The following PHKA2 variants were observed in gnomAD, a reference collection of about 807,000 sequenced individuals.
PHKA2 encodes the protein phosphorylase b kinase regulatory subunit alpha, liver isoform.
A neutral mutation model predicts 102.0 loss-of-function variants in PHKA2; 31 were observed. That is an observed-to-expected ratio of 0.30 (90% CI 0.23 to 0.41). The LOEUF is 0.41. Among genes scored for constraint, PHKA2 ranks in the 10% least tolerant of loss-of-function variants. The probability of loss-of-function intolerance (pLI) is 1.00; values close to 1 mark genes in which losing one functional copy is unlikely to be tolerated. For synonymous variants in PHKA2, 455 were observed against 416.2 expected (o/e 1.09, Z -1.13); for missense variants, 858 against 1,023.1 (o/e 0.84, Z 2.20).
Position 18,907,106 on chromosome X carries a change from T to A in PHKA2, c.2518-9A>T. ...AGCAGGTCTGTGCAGGCCTGCGCAGTTAAGGGGAAGGGTGAGAGGCAGAGC... is the reference window on the plus strand; with the variant it reads ...AGCAGGTCTGTGCAGGCCTGCGCAGATAAGGGGAAGGGTGAGAGGCAGAGC... On this transcript the variant is annotated splice_polypyrimidine_tract_variant and intron_variant, in intron 22 of 32. Coordinates refer to ENST00000379942, the MANE Select transcript of PHKA2 (RefSeq NM_000292.3). 3 of 1,165,049 alleles carry A rather than the reference T, an allele frequency of 2.6e-6. No homozygotes were observed. The highest frequency in any genetic ancestry group is 3.5e-6 in the Non-Finnish European group (3 of 865,920).
chrX:18,893,548 T>G lies in PHKA2; in HGVS notation c.3645A>C (p.Leu1215=). 2 of 1,211,634 alleles carry G rather than the reference T, an allele frequency of 1.7e-6. No individual in the cohort carries two copies. Among genetic ancestry groups the G allele is most frequent in the Non-Finnish European group, 2.2e-6 (2 of 895,216 alleles). The change falls in exon 33 of 33, where the codon CTA becomes CTC. Residue 1215 remains leucine (L), a synonymous_variant. Coordinates refer to ENST00000379942, the MANE Select transcript of PHKA2 (RefSeq NM_000292.3). ...GCAAATAAGAAGCCACTGCTCTTGTTAGGTAGGTCATCGTCCCATAAGCCC... is the reference window on the plus strand; with the variant it reads ...GCAAATAAGAAGCCACTGCTCTTGTGAGGTAGGTCATCGTCCCATAAGCCC... ...PSGAYGTMTY[L]TRAVASYLQE... is the part of the protein sequence containing the mutation.
intron 7 of PHKA2, among the ~76,000 whole-genome samples, chrX:18,942,557 C>A (rs944583560): frequency 2.6e-4 from 29 of 111,423 alleles, no homozygotes; most frequent in Middle Eastern, 4.6e-3. Context: ...AAGATGCACA[C>A]CACGTCCAGG....
Position 18,924,413 on chromosome X carries a change from G to T in PHKA2, c.1682C>A (p.Thr561Lys). ...GGTGCGACTGATGGGGAAGGTGAGTGTGGGTCTGCCCGTCATCCTCCAGCA... is the reference window on the plus strand; with the variant it reads ...GGTGCGACTGATGGGGAAGGTGAGTTTGGGTCTGCCCGTCATCCTCCAGCA... ...CTCWRMTGRP[T>K]LTFPISRTML... The change falls in exon 16 of 33, where the codon ACA (threonine) becomes AAA (lysine). Residue 561 changes from threonine (T) to lysine (K), a missense_variant. Physicochemically the swap from Thr to Lys is moderately conservative, Grantham distance 78. Around this residue, in one of 2 missense-constraint regions of PHKA2, gnomAD observed 671 missense variants for 745.2 expected, o/e 0.90. Coordinates refer to ENST00000379942, the MANE Select transcript of PHKA2 (RefSeq NM_000292.3). 1 of 1,211,012 alleles carries T rather than the reference G, an allele frequency of 8.3e-7. No homozygotes were observed. The highest frequency in any genetic ancestry group is 1.1e-6 in the Non-Finnish European group (1 of 895,015).
At chrX:18,936,676 G>A (rs2147948157) in intron 10 of PHKA2, among the ~76,000 whole-genome samples, 1 of 112,313 alleles carries the variant, frequency 8.9e-6, no homozygotes, top group East Asian at 2.8e-4. Flanking sequence ...CATAAAAAAA[G>A]AATAACATTC....
intron 19 of PHKA2, among the ~76,000 whole-genome samples, chrX:18,911,174 T>A (rs1457992195): frequency 9.9e-6 from 1 of 101,274 alleles, no homozygotes; most frequent in Non-Finnish European, 2.0e-5. Flanking sequence ...CCCAGCTAAT[T>A]TTTTTTTTTT....
chrX:18,924,278 C>T, intron 16 of PHKA2, 103 bp downstream of exon 16: 2 of 992,639 alleles, frequency 2.0e-6, no homozygotes, highest in Non-Finnish European at 1.4e-6. Flanking sequence ...GCTAAGAAGC[C>T]CCTTCAGTGC....
At chrX:18,901,860 C>T (rs1019696440) in intron 26 of PHKA2, among the ~76,000 whole-genome samples, 3 of 109,503 alleles carry the variant, frequency 2.7e-5, no homozygotes, top group African/African-American at 1.0e-4. Context: ...TTTTTTTTTC[C>T]GAGACGGAGT....
At chrX:18,896,295 A>C (rs1038800384) in intron 30 of PHKA2, 9 of 111,967 alleles carry the variant, frequency 8.0e-5, no homozygotes, top group Non-Finnish European at 1.7e-4. Context: ...TCTCGGGCTG[A>C]TGCAGAAGGG....
chrX:18,929,358 A>C (rs1334626196), intron 12 of PHKA2, 52 bp from the exon 13 acceptor site: 2 of 822,505 alleles, frequency 2.4e-6, no homozygotes, highest in Non-Finnish European at 3.6e-6. Flanking sequence ...CTAAAATTTC[A>C]TCTTAAACTG....
In PHKA2 at chrX:18,945,111, C is replaced by T. The variant is rs143424727; in HGVS notation, c.585G>A (p.Pro195=). The T allele has an allele frequency of 3.6e-5, 43 of 1,202,335 alleles. No homozygotes were observed. The highest frequency in any genetic ancestry group is 4.4e-5 in the Admixed American group (2 of 45,739). The change falls in exon 6 of 33, where the codon CCG becomes CCA. Residue 195 remains proline (P), a synonymous_variant. Coordinates refer to ENST00000379942, the MANE Select transcript of PHKA2 (RefSeq NM_000292.3). The part of the protein sequence containing the change: ...ERGDKTNQGI[P]ELNASSVGMA... ...TTCCTACGGAGCTTGCATTCAATTC[C>T]GGGATGCCCTGATTAGTCTTATCTC...
chrX:18,936,004 G>T, intron 11 of PHKA2, 51 bp downstream of exon 11: 1 of 807,009 alleles, frequency 1.2e-6, no homozygotes, highest in Non-Finnish European at 1.9e-6. Context: ...CAAGCAATGA[G>T]TCACTTATTT....
intron 1 of PHKA2, among the ~76,000 whole-genome samples, chrX:18,972,120 T>C (rs957250607): frequency 3.5e-5 from 4 of 112,823 alleles, no homozygotes; most frequent in African/African-American, 1.3e-4. Context: ...TAGGTCTTTA[T>C]TCCCTCTGGA....
At chrX:18,942,567 G>A (rs921733847) in intron 7 of PHKA2, among the ~76,000 whole-genome samples, 7 of 111,388 alleles carry the variant, frequency 6.3e-5, no homozygotes, top group Non-Finnish European at 1.3e-4. Context: ...CCACGTCCAG[G>A]CACAGTGGCT....
chrX:18,930,951 GGGTC>G (rs1359333503), intron 12 of PHKA2, among the ~76,000 whole-genome samples: 3 of 111,080 alleles, frequency 2.7e-5, no homozygotes, highest in Non-Finnish European at 5.7e-5. Context: ...TGCCTCCCCG[GGGTC>G]CAGCCGAAGC....
chrX:18,951,764 C>T (rs1601777198), intron 3 of PHKA2, among the ~76,000 whole-genome samples: 1 of 111,277 alleles, frequency 9.0e-6, no homozygotes, highest in African/African-American at 3.3e-5. Context: ...GCAGTACATG[C>T]TCAATGAATT....
At chrX:18,912,881 A>G (rs2047950651) in intron 19 of PHKA2, among the ~76,000 whole-genome samples, 1 of 110,722 alleles carries the variant, frequency 9.0e-6, no homozygotes, top group Admixed American at 9.6e-5. Context: ...ATTGCACTCC[A>G]GCCTCGGCAA....
Position 18,897,164 on chromosome X carries a change from T to C in PHKA2, c.3281A>G (p.Lys1094Arg). 8.3e-7 allele frequency: 1 copy of C among 1,211,492 alleles called. No homozygotes were observed. Among genetic ancestry groups the C allele is most frequent in the Non-Finnish European group, 1.1e-6 (1 of 895,251 alleles). The change falls in exon 30 of 33, where the codon AAG becomes AGG. Residue 1094 changes from lysine to arginine, a missense_variant and splice_region_variant. By Grantham distance (26) the Lys-to-Arg change is conservative. This residue lies in a region of PHKA2 where 671 missense variants were observed against 745.2 expected (regional missense o/e 0.90). Coordinates refer to ENST00000379942, the MANE Select transcript of PHKA2 (RefSeq NM_000292.3). ...FYQRVWKILQ[K>R]CHGLSIDGYV... ...CCAGGAGCTCGCGTCTCGGCTTACC[T>C]TCTGGAGGATCTTCCACACCCTCTG...
chrX:18,928,889 C>T (rs2048262516), intron 13 of PHKA2, among the ~76,000 whole-genome samples: 1 of 112,837 alleles, frequency 8.9e-6, no homozygotes, highest in Non-Finnish European at 1.9e-5. Flanking sequence ...ATGAATGACC[C>T]TCAGTTGGGT....
rs1262701909 is a variant in PHKA2 at position 18,893,065 on chromosome X, C to T, written c.*420G>A. The T allele has an allele frequency of 2.9e-5, 6 of 204,135 alleles. No homozygotes were observed. The highest frequency in any genetic ancestry group is 4.6e-5 in the Non-Finnish European group (5 of 109,426). 16.8% of individuals were successfully genotyped at this position (204,135 alleles called of 1,213,427 possible). ...AGGTGGCCCTTGTCAAGGCTACTGCCGCCAGGAGGATCTTTGCATCTTTAG... is the reference window on the plus strand; with the variant it reads ...AGGTGGCCCTTGTCAAGGCTACTGCTGCCAGGAGGATCTTTGCATCTTTAG... On this transcript the variant is annotated 3_prime_UTR_variant, in exon 33 of 33. Coordinates refer to ENST00000379942, the MANE Select transcript of PHKA2 (RefSeq NM_000292.3).
Sources: allele counts gnomAD v4.1 joint callset (sites outside exome capture counted in the v4.1 genomes callset), GRCh38; gene constraint gnomAD v4.1.1; regional missense constraint gnomAD v4.1.1; transcripts MANE v1.5; gene names NCBI Gene and HGNC (gene_info 2026-07-23, HGNC 2026-07-21).